The following TPRKB variants were observed in gnomAD, a reference collection of about 807,000 sequenced individuals.
The protein encoded by TPRKB is TP53RK binding protein, also known as EKC/KEOPS complex subunit TPRKB.
A neutral mutation model predicts 17.8 loss-of-function variants in TPRKB; 11 were observed. That is an observed-to-expected ratio of 0.62 (90% CI 0.39 to 1.02). The LOEUF (loss-of-function observed/expected upper bound fraction) is 1.02. Among genes scored for constraint, TPRKB ranks in the 50% least tolerant of loss-of-function variants. The pLI, the probability that TPRKB is intolerant of heterozygous loss-of-function variation, is 0.00. For synonymous variants in TPRKB, 71 were observed against 69.5 expected (o/e 1.02, Z -0.11); for missense variants, 228 against 198.0 (o/e 1.15, Z -0.91).
At chr2:73,736,426 T>C (rs572579393) in intron 1 of TPRKB, among the ~76,000 whole-genome samples, 1 of 152,236 alleles carries the variant, frequency 6.6e-6, no homozygotes, top group Middle Eastern at 3.4e-3. Flanking sequence ...AAAACATGAG[T>C]ACACATAATA....
intron 1 of TPRKB, among the ~76,000 whole-genome samples, chr2:73,735,315 A>G (rs1044076050): frequency 1.4e-5 from 2 of 146,322 alleles, no homozygotes; most frequent in African/African-American, 5.0e-5. Flanking sequence ...CTGGGCAACA[A>G]GAGTGAAACT....
At chr2:73,733,492 C>T (rs1671731014) in intron 2 of TPRKB, among the ~76,000 whole-genome samples, 1 of 152,064 alleles carries the variant, frequency 6.6e-6, no homozygotes, top group East Asian at 1.9e-4. Flanking sequence ...CTCCGGGCCT[C>T]AAGCAATCCA....
At chr2:73,731,745 G>C (rs185304587) in intron 3 of TPRKB, among the ~76,000 whole-genome samples, 88 of 152,304 alleles carry the variant, frequency 5.8e-4, no homozygotes, top group African/African-American at 1.9e-3. Context: ...GTTAAGGACT[G>C]TTATAGGTAC....
chr2:73,735,993 T>TAACA (rs1436624236), intron 1 of TPRKB, among the ~76,000 whole-genome samples: 1 of 152,116 alleles, frequency 6.6e-6, no homozygotes, highest in Admixed American at 6.5e-5. Context: ...CGGCAATAAA[T>TAACA]AACATTAAGT....
intron 3 of TPRKB, chr2:73,730,962 G>A: frequency 2.8e-6 from 1 of 359,462 alleles, no homozygotes; most frequent in Non-Finnish European, 4.9e-6. Flanking sequence ...ATGGAATCAA[G>A]CCCAGCCTCT....
chr2:73,735,542 T>C (rs754021383), intron 1 of TPRKB, among the ~76,000 whole-genome samples: 1 of 152,102 alleles, frequency 6.6e-6, no homozygotes, highest in Admixed American at 6.6e-5. Flanking sequence ...ATTCCACGCA[T>C]GGAAATTAAG....
chr2:73,735,037 G>A (rs941378586), intron 1 of TPRKB, among the ~76,000 whole-genome samples: 1 of 152,112 alleles, frequency 6.6e-6, no homozygotes, highest in Admixed American at 6.6e-5. Context: ...TAATTTTAAA[G>A]AATAAAGTAG....
Position 73,729,983 on chromosome 2 carries a change from T to G in TPRKB, c.488A>C (p.Asp163Ala). ...SQEESIGTLL[D>A]AIICRMSTKD... ...TGTTGACATTCTACAAATGATAGCATCCAATAATGTCCCAATACTTTCTTC... is the reference window on the plus strand; with the variant it reads ...TGTTGACATTCTACAAATGATAGCAGCCAATAATGTCCCAATACTTTCTTC... Residue 163 changes from aspartate (D) to alanine (A), a missense_variant, in exon 5 of 5, where the codon GAT (aspartate) becomes GCT (alanine). Transcript: ENST00000272424. 1 of 1,576,860 alleles carries G rather than the reference T, an allele frequency of 6.3e-7. No homozygotes were observed. Among genetic ancestry groups the G allele is most frequent in the Non-Finnish European group, 8.6e-7 (1 of 1,158,788 alleles).
At chr2:73,736,056 T>C (rs1231835189) in intron 1 of TPRKB, among the ~76,000 whole-genome samples, 1 of 152,158 alleles carries the variant, frequency 6.6e-6, no homozygotes, top group African/African-American at 2.4e-5. Flanking sequence ...AAATGTGGGT[T>C]TTTTAAAAGG....
intron 3 of TPRKB, chr2:73,730,940 C>G (rs147680845): frequency 4.9e-6 from 2 of 409,490 alleles, no homozygotes; most frequent in Non-Finnish European, 8.5e-6. Flanking sequence ...CTTAAAGGTA[C>G]GCCTTGTTCC....
At position 73,734,444 on chromosome 2, in the gene TPRKB, C is replaced by G; in HGVS notation, c.126G>C (p.Leu42=). The change falls in exon 2 of 5, where the codon CTG becomes CTC. Residue 42 remains leucine, a synonymous_variant. Transcript: ENST00000272424. The stretch of plus-strand genomic sequence containing the variant: ...TTATATTTACCACTGTAGGATTTAT[C>G]AGTGATCCATCGATGGTGCCTTCCA... The part of the protein sequence containing the change: ...KAMEGTIDGS[L]INPTVIVDPF... 6.2e-7 allele frequency: 1 copy of G among 1,612,632 alleles called. No individual in the cohort carries two copies. Among genetic ancestry groups the G allele is most frequent in the Non-Finnish European group, 8.5e-7 (1 of 1,179,614 alleles).
intron 3 of TPRKB, 129 bp downstream of exon 3, chr2:73,732,034 G>T: frequency 9.6e-7 from 1 of 1,042,760 alleles, no homozygotes; most frequent in East Asian, 2.4e-5. Context: ...TCTCTGTCCA[G>T]AGCTCTCTTC....
chr2:73,730,523 T>A, intron 4 of TPRKB, 37 bp downstream of exon 4: 1 of 1,443,826 alleles, frequency 6.9e-7, no homozygotes, highest in Non-Finnish European at 9.4e-7. Flanking sequence ...TTATTGCTCA[T>A]CTATCACACT....
chr2:73,733,220 T>C (rs918522857), intron 2 of TPRKB, among the ~76,000 whole-genome samples: 13 of 150,268 alleles, frequency 8.7e-5, no homozygotes, highest in Admixed American at 2.0e-4. Flanking sequence ...TAATTCCCGG[T>C]AACATGATCG....
At chr2:73,733,980 G>A (rs1671757865) in intron 2 of TPRKB, among the ~76,000 whole-genome samples, 1 of 151,486 alleles carries the variant, frequency 6.6e-6, no homozygotes, top group Non-Finnish European at 1.5e-5. Flanking sequence ...GCTAATTTTT[G>A]TATTTTTAGT....
Position 73,729,954 on chromosome 2 carries a change from C to A in TPRKB, c.517G>T (p.Asp173Tyr). The part of the protein sequence containing the change: ...DAIICRMSTK[D>Y]VL ...ATATTTCTGACATTTCATAAAACAT[C>A]TTTTGTTGACATTCTACAAATGATA... The change falls in exon 5 of 5, where the codon GAT becomes TAT. Residue 173 changes from aspartate to tyrosine, a missense_variant. Coordinates refer to ENST00000272424, the MANE Select transcript of TPRKB (RefSeq NM_016058.5). 1 of 1,558,568 alleles carries A rather than the reference C, an allele frequency of 6.4e-7. No individual in the cohort carries two copies. Among genetic ancestry groups the A allele is most frequent in the East Asian group, 2.3e-5 (1 of 43,362 alleles).
chr2:73,730,490 T>A (rs1671548532), intron 4 of TPRKB, 70 bp downstream of exon 4: 1 of 1,111,638 alleles, frequency 9.0e-7, no homozygotes, highest in Non-Finnish European at 1.3e-6. Context: ...GCTCTGGTGA[T>A]CAATAGGCAA....
chr2:73,734,459 G>A lies in TPRKB; in HGVS notation c.111C>T (p.Thr37=), dbSNP rs1671783665. The change falls in exon 2 of 5, where the codon ACC becomes ACT. Residue 37 remains threonine (T), a synonymous_variant. Transcript: ENST00000272424. ...GDLRRKAMEG[T]IDGSLINPTV... ...TAGGATTTATCAGTGATCCATCGAT[G>A]GTGCCTTCCATGGCCTTTCTTCTCA... 6.2e-7 allele frequency: 1 copy of A among 1,613,742 alleles called. No homozygotes were observed. The highest frequency in any genetic ancestry group is 8.5e-7 in the Non-Finnish European group (1 of 1,179,886).
chr2:73,731,697 A>G (rs970392319), intron 3 of TPRKB, among the ~76,000 whole-genome samples: 3 of 152,200 alleles, frequency 2.0e-5, no homozygotes, highest in African/African-American at 7.2e-5. Context: ...TTCAAACCAC[A>G]AACTCTACCT....
Sources: gnomAD v4.1 joint callset for allele counts (sites outside exome capture counted in the v4.1 genomes callset) on GRCh38, gnomAD v4.1.1 for gene constraint, MANE v1.5 for transcripts, NCBI Gene and HGNC (gene_info 2026-07-23, HGNC 2026-07-21) for gene names.